Variants in PTPRM observed in about 807,000 individuals in gnomAD.
The protein encoded by PTPRM is receptor-type tyrosine-protein phosphatase mu.
Under a neutral mutation model 186.7 loss-of-function variants are expected in PTPRM, and 47 were observed. The observed-to-expected ratio is 0.25, with a 90% confidence interval of 0.20 to 0.32. The LOEUF is 0.32. Ranked by LOEUF, PTPRM falls within the 10% of genes least tolerant of loss-of-function variation. The probability of loss-of-function intolerance (pLI) is 1.00; values close to 1 mark genes in which losing one functional copy is unlikely to be tolerated. For synonymous variants in PTPRM, 668 were observed against 674.9 expected (o/e 0.99, Z 0.16); for missense variants, 1,494 against 1,865.0 (o/e 0.80, Z 3.66).
At chr18:7,806,477 C>A (rs563399540) in intron 2 of PTPRM, among the ~76,000 whole-genome samples, 89 of 152,150 alleles carry the variant, frequency 5.8e-4, no homozygotes, top group African/African-American at 2.1e-3. Context: ...TAAAATTAAT[C>A]ACAGACTAAT....
At chr18:7,634,145 T>C (rs1238527326) in intron 1 of PTPRM, among the ~76,000 whole-genome samples, 1 of 152,154 alleles carries the variant, frequency 6.6e-6, no homozygotes, top group Non-Finnish European at 1.5e-5. Flanking sequence ...ATGTCCTCCT[T>C]GTAGCTCCTT....
At chr18:8,200,121 G>A (rs577989506) in intron 14 of PTPRM, among the ~76,000 whole-genome samples, 2 of 152,308 alleles carry the variant, frequency 1.3e-5, no homozygotes, top group Admixed American at 1.3e-4. Flanking sequence ...TCACCTGATA[G>A]CAGTGTCCTT....
chr18:8,140,502 T>G (rs546458257), intron 13 of PTPRM, among the ~76,000 whole-genome samples: 4 of 151,080 alleles, frequency 2.6e-5, no homozygotes, highest in African/African-American at 9.8e-5. Flanking sequence ...GAAATCTTAA[T>G]GCAATTTGAC....
chr18:8,296,550 C>CAA (rs1182583476), intron 20 of PTPRM, 95 bp downstream of exon 20: 2 of 832,196 alleles, frequency 2.4e-6, no homozygotes, highest in Non-Finnish European at 4.0e-6. Flanking sequence ...ATTTACAGTG[C>CAA]AATTACCTCC....
intron 19 of PTPRM, among the ~76,000 whole-genome samples, chr18:8,280,734 A>G (rs1247826061): frequency 6.6e-6 from 1 of 152,186 alleles, no homozygotes; most frequent in South Asian, 2.1e-4. Flanking sequence ...GTTTCTGCCA[A>G]CGTAGAACTG....
At chr18:7,900,019 T>C (rs1156947717) in intron 3 of PTPRM, among the ~76,000 whole-genome samples, 3 of 152,218 alleles carry the variant, frequency 2.0e-5, no homozygotes, top group Non-Finnish European at 4.4e-5. Context: ...GCAAGGCATA[T>C]TGTATTTGGC....
intron 4 of PTPRM, among the ~76,000 whole-genome samples, chr18:7,907,752 ATGTGTG>A: frequency 6.7e-6 from 1 of 149,762 alleles, no homozygotes; most frequent in Non-Finnish European, 1.5e-5. Context: ...AACACCGCAA[ATGTGTG>A]TGTGTGTGTG....
At chr18:7,996,150 T>TCTTTTTTTC (rs1007322783) in intron 7 of PTPRM, among the ~76,000 whole-genome samples, 2 of 151,974 alleles carry the variant, frequency 1.3e-5, no homozygotes, top group East Asian at 3.9e-4. Flanking sequence ...ATCCATTTAC[T>TCTTTTTTTC]CTTTTTTTCC....
intron 14 of PTPRM, among the ~76,000 whole-genome samples, chr18:8,195,207 G>A (rs932618760): frequency 6.8e-6 from 1 of 147,388 alleles, no homozygotes; most frequent in Non-Finnish European, 1.5e-5. Context: ...AGTTACAGAG[G>A]CCTTTCACAA....
chr18:7,597,840 A>G (rs1236622778), intron 1 of PTPRM, among the ~76,000 whole-genome samples: 2 of 152,214 alleles, frequency 1.3e-5, no homozygotes, highest in Admixed American at 6.5e-5. Context: ...CAAATTTGCA[A>G]AGAGAATACA....
intron 19 of PTPRM, among the ~76,000 whole-genome samples, chr18:8,258,050 TCAAA>T (rs1248474775): frequency 6.6e-6 from 1 of 152,170 alleles, no homozygotes; most frequent in Admixed American, 6.5e-5. Flanking sequence ...ATAATTTGAT[TCAAA>T]AGAAACTCAG....
At position 8,346,845 on chromosome 18, in the gene PTPRM, C is replaced by A. The variant is rs556404039; in HGVS notation, c.3054+3325C>A. Among the ~76,000 whole-genome samples the A allele has an allele frequency of 2.0e-5, 3 of 152,202 alleles. No homozygotes were observed. The East Asian group carries it at 5.8e-4, about 29-fold the overall frequency. ...GCCAACTCCACTGGAAAGCAAGTTC[C>A]TTGAAGGGAAGAGATGGCCTTGCTC... On this transcript the variant is annotated intron_variant, in intron 23 of 32. Transcript: ENST00000580170.
chr18:8,153,030 T>A (rs570884802), intron 14 of PTPRM, among the ~76,000 whole-genome samples: 8 of 152,312 alleles, frequency 5.3e-5, no homozygotes, highest in African/African-American at 1.9e-4. Context: ...CTGGATGTTC[T>A]TCGTCCATTC....
intron 10 of PTPRM, among the ~76,000 whole-genome samples, chr18:8,086,553 A>G (rs1187155624): frequency 6.6e-6 from 1 of 152,106 alleles, no homozygotes; most frequent in Non-Finnish European, 1.5e-5. Flanking sequence ...CCCTTTGGGT[A>G]TGAGTGTGGA....
chr18:7,957,638 GGGTGAGGAAAGTGAAA>G (rs1349268070), intron 7 of PTPRM, among the ~76,000 whole-genome samples: 4 of 152,268 alleles, frequency 2.6e-5, no homozygotes, highest in South Asian at 2.1e-4. Context: ...CATGTTAGGT[GGGTGAGGAAAGTGAAA>G]GGTGAGGAAA....
At chr18:7,621,365 G>C (rs1008218254) in intron 1 of PTPRM, among the ~76,000 whole-genome samples, 4 of 152,188 alleles carry the variant, frequency 2.6e-5, no homozygotes, top group African/African-American at 9.7e-5. Flanking sequence ...GAAGGTGCTA[G>C]AGTTCCCATA....
At chr18:8,046,536 T>A (rs28526245) in intron 7 of PTPRM, among the ~76,000 whole-genome samples, 4,892 of 152,260 alleles carry the variant, frequency 0.032, 156 homozygotes, top group African/African-American at 0.087. Flanking sequence ...AGTTCCCAAC[T>A]TGCAGCAGGG....
At chr18:7,585,362 A>G (rs907252063) in intron 1 of PTPRM, among the ~76,000 whole-genome samples, 2 of 152,228 alleles carry the variant, frequency 1.3e-5, no homozygotes, top group Non-Finnish European at 2.9e-5. Flanking sequence ...CATCTGGGAA[A>G]TTGCAGAGAG....
intron 14 of PTPRM, among the ~76,000 whole-genome samples, chr18:8,150,293 G>A (rs2092975923): frequency 6.6e-6 from 1 of 152,148 alleles, no homozygotes; most frequent in Admixed American, 6.5e-5. Flanking sequence ...ATCAGACATA[G>A]ATTTGGTCTT....
Sources: allele counts gnomAD v4.1 joint callset (sites outside exome capture counted in the v4.1 genomes callset), GRCh38; gene constraint gnomAD v4.1.1; transcripts MANE v1.5; gene names NCBI Gene and HGNC (gene_info 2026-07-23, HGNC 2026-07-21).